The following COL5A2 variants were observed in gnomAD, a reference collection of about 807,000 sequenced individuals.
COL5A2 encodes collagen type V alpha 2 chain, also known as collagen alpha-2(V) chain.
A neutral mutation model predicts 208.2 loss-of-function variants in COL5A2; 23 were observed. The ratio of observed to expected loss-of-function variants is 0.11; its 90% CI spans 0.08 to 0.16. The LOEUF is 0.16. Among genes scored for constraint, COL5A2 ranks in the 10% least tolerant of loss-of-function variants. The pLI is 1.00. For synonymous variants in COL5A2, 625 were observed against 628.5 expected (o/e 0.99, Z 0.08); for missense variants, 1,590 against 1,956.4 (o/e 0.81, Z 3.53).
At chr2:189,147,665 G>C (rs1269236688) in intron 1 of COL5A2, among the ~76,000 whole-genome samples, 1 of 152,098 alleles carries the variant, frequency 6.6e-6, no homozygotes, top group African/African-American at 2.4e-5. Context: ...TATTTCTTCA[G>C]GTGGAAAAAT....
chr2:189,386,315 C>T, the COL5A2 span, among the ~76,000 whole-genome samples: 4 of 152,018 alleles, frequency 2.6e-5, no homozygotes, highest in Admixed American at 2.6e-4. Flanking sequence ...TCACCATATA[C>T]AAAAATTAAC....
the COL5A2 span, among the ~76,000 whole-genome samples, chr2:189,398,019 T>C: frequency 6.6e-6 from 1 of 152,142 alleles, no homozygotes; most frequent in Non-Finnish European, 1.5e-5. Context: ...TGTTTTCTAA[T>C]GTCTGTGGTA....
At chr2:189,050,375 T>G (rs1445300487) in intron 43 of COL5A2, among the ~76,000 whole-genome samples, 194 bp downstream of exon 43, 1 of 152,210 alleles carries the variant, frequency 6.6e-6, no homozygotes, top group Non-Finnish European at 1.5e-5. Flanking sequence ...GTTAAACAAA[T>G]ATATATTTTC....
intron 1 of COL5A2, among the ~76,000 whole-genome samples, chr2:189,140,056 C>T (rs1273101205): frequency 6.6e-6 from 1 of 151,516 alleles, no homozygotes. Context: ...CTGGGCGACA[C>T]AGAGAGACTC....
chr2:189,391,005 A>T, the COL5A2 span, among the ~76,000 whole-genome samples: 1 of 152,192 alleles, frequency 6.6e-6, no homozygotes, highest in African/African-American at 2.4e-5. Context: ...CCTTTTGGTC[A>T]TCGGGTTTGT....
At chr2:189,247,373 G>T in the COL5A2 span, among the ~76,000 whole-genome samples, 1 of 152,052 alleles carries the variant, frequency 6.6e-6, no homozygotes, top group Non-Finnish European at 1.5e-5. Flanking sequence ...GAAGCCCTGT[G>T]GTTAAACAGG....
At chr2:189,191,163 C>CCAAAAAAAAAAAAAAAAAAAAAAAAAAAA (rs748055610) in intron 1 of COL5A2, among the ~76,000 whole-genome samples, 5 of 72,266 alleles carry the variant, frequency 6.9e-5, no homozygotes, top group Non-Finnish European at 1.2e-4. Flanking sequence ...AAAAAACAAA[C>CCAAAAAAAAAAAAAAAAAAAAAAAAAAAA]AAACAACAAA....
At position 189,074,768 on chromosome 2, in the gene COL5A2, G is replaced by A. The variant is rs574454544; in HGVS notation, c.1104+625C>T. Among the ~76,000 whole-genome samples, 7 of 152,278 alleles carry A rather than the reference G, an allele frequency of 4.6e-5. No individual in the cohort carries two copies. In the East Asian group the frequency reaches 7.7e-4, roughly 17 times the overall value. On this transcript the variant is annotated intron_variant, in intron 17 of 53. Transcript: ENST00000374866. ...AGAGTTCTTAGCTCATTGACATGCA[G>A]TCGGCCTCTGTTACTACCATAATAA... is the stretch of plus-strand genomic sequence containing the variant.
At chr2:189,238,609 C>T in the COL5A2 span, among the ~76,000 whole-genome samples, 7 of 152,098 alleles carry the variant, frequency 4.6e-5, no homozygotes, top group Non-Finnish European at 8.8e-5. Context: ...AACTGACTCA[C>T]AGTTCAGCAT....
chr2:189,096,940 G>C (rs1335564786), intron 6 of COL5A2, among the ~76,000 whole-genome samples: 2 of 152,024 alleles, frequency 1.3e-5, no homozygotes, highest in Non-Finnish European at 2.9e-5. Context: ...ATTTTTTCCC[G>C]TATCCAGCTT....
In COL5A2 at chr2:189,032,489, A is replaced by G. The variant is rs983181644; in HGVS notation, c.*1581T>C. ...AATGAAATAGATCTAATATGGTCAA[A>G]GGAATTTCACAAAACAAAAACCACT... On this transcript the variant is annotated 3_prime_UTR_variant, in exon 54 of 54. Coordinates refer to ENST00000374866, the MANE Select transcript of COL5A2 (RefSeq NM_000393.5). The G allele has an allele frequency of 6.6e-6, 1 of 152,190 alleles. No homozygotes were observed. Among genetic ancestry groups the G allele is most frequent in the African/African-American group, 2.4e-5 (1 of 41,460 alleles). 9.4% of individuals were successfully genotyped at this position (152,190 alleles called of 1,614,324 possible). A position where few individuals can be genotyped will look rare whatever the true frequency, so the allele number is the denominator to read the frequency against.
At chr2:189,155,816 C>T (rs915042991) in intron 1 of COL5A2, among the ~76,000 whole-genome samples, 3 of 152,100 alleles carry the variant, frequency 2.0e-5, no homozygotes, top group Admixed American at 6.6e-5. Flanking sequence ...AAATGGGTTT[C>T]ACTGGGCTAA....
chr2:189,345,948 G>A, the COL5A2 span, among the ~76,000 whole-genome samples: 1 of 152,150 alleles, frequency 6.6e-6, no homozygotes, highest in Admixed American at 6.6e-5. Flanking sequence ...GTGGATGTAT[G>A]AATAAATATT....
At chr2:189,372,545 CTCAT>C in the COL5A2 span, among the ~76,000 whole-genome samples, 1 of 152,130 alleles carries the variant, frequency 6.6e-6, no homozygotes, top group East Asian at 1.9e-4. Context: ...AAGTTCATCT[CTCAT>C]TGTTTATGTT....
chr2:189,308,115 G>A, the COL5A2 span, among the ~76,000 whole-genome samples: 5 of 147,750 alleles, frequency 3.4e-5, no homozygotes, highest in African/African-American at 1.3e-4. Context: ...ATAAACTGGG[G>A]TGTGGGTGTG....
At chr2:189,340,962 A>T in the COL5A2 span, among the ~76,000 whole-genome samples, 6 of 152,238 alleles carry the variant, frequency 3.9e-5, no homozygotes, top group Non-Finnish European at 8.8e-5. Flanking sequence ...AAAGTTAAAA[A>T]GACTTCCAAA....
At chr2:189,416,659 T>A in the COL5A2 span, among the ~76,000 whole-genome samples, 1 of 152,356 alleles carries the variant, frequency 6.6e-6, no homozygotes, top group Non-Finnish European at 1.5e-5. Flanking sequence ...TATGTATACA[T>A]ATGTAACAAA....
chr2:189,365,365 CAG>C, the COL5A2 span, among the ~76,000 whole-genome samples: 2 of 152,182 alleles, frequency 1.3e-5, no homozygotes. Context: ...TCTTGAATGA[CAG>C]AGACAATTTA....
the COL5A2 span, among the ~76,000 whole-genome samples, chr2:189,371,989 A>C: frequency 6.6e-6 from 1 of 152,196 alleles, no homozygotes; most frequent in Non-Finnish European, 1.5e-5. Flanking sequence ...CCTTACCATC[A>C]CAGGTCAAGA....
Sources: gnomAD v4.1 joint callset for allele counts (sites outside exome capture counted in the v4.1 genomes callset) on GRCh38, gnomAD v4.1.1 for gene constraint, MANE v1.5 for transcripts, NCBI Gene and HGNC (gene_info 2026-07-23, HGNC 2026-07-21) for gene names.